ANKUB1: variants seen among roughly 807,000 people sequenced by gnomAD.
ANKUB1 encodes ankyrin repeat and ubiquitin domain containing 1.
ANKUB1 carries 42 observed loss-of-function variants against 49.3 expected under a neutral mutation model. The observed-to-expected ratio is 0.85, with a 90% CI of 0.67 to 1.10. The LOEUF (loss-of-function observed/expected upper bound fraction) is 1.10. Ranked by LOEUF, ANKUB1 falls within the 50% of genes least tolerant of loss-of-function variation. The pLI is 0.00. For synonymous variants in ANKUB1, 222 were observed against 231.0 expected (o/e 0.96, Z 0.35); for missense variants, 613 against 642.0 (o/e 0.95, Z 0.49).
chr3:149,763,360 T>G (rs1716856860), intron 5 of ANKUB1, among the ~76,000 whole-genome samples: 1 of 152,220 alleles, frequency 6.6e-6, no homozygotes, highest in African/African-American at 2.4e-5. Flanking sequence ...TTTTCTGCAT[T>G]CATTCAAAAA....
At chr3:149,778,023 A>G (rs1029004543) in intron 3 of ANKUB1, among the ~76,000 whole-genome samples, 2 of 152,192 alleles carry the variant, frequency 1.3e-5, no homozygotes, top group Non-Finnish European at 2.9e-5. Flanking sequence ...AGCAGCAGGG[A>G]TGATTCATTG....
At position 149,771,862 on chromosome 3, in the gene ANKUB1, G is replaced by A. The variant is rs148146667; in HGVS notation, c.452-1188C>T. Among the ~76,000 whole-genome samples, 29 of 152,046 alleles carry A rather than the reference G, an allele frequency of 1.9e-4. No homozygotes were observed. In the East Asian group the frequency reaches 2.5e-3, roughly 13 times the overall value. ...CCAGCTCCAGACTCCCCCTGCTGGC[G>A]ATATTACCAAAGAAGGGATTGCACT... On this transcript the variant is annotated intron_variant, in intron 3 of 5. Coordinates refer to ENST00000446160, the MANE Select transcript of ANKUB1 (RefSeq NM_001144960.3).
intron 4 of ANKUB1, 102 bp downstream of exon 4, chr3:149,770,458 C>T: frequency 1.2e-6 from 1 of 806,618 alleles, no homozygotes; most frequent in Non-Finnish European, 2.0e-6. Context: ...CATAGAGCAG[C>T]ACCCCAGCTG....
intron 5 of ANKUB1, among the ~76,000 whole-genome samples, chr3:149,763,438 G>A (rs1385799682): frequency 1.3e-5 from 2 of 152,188 alleles, no homozygotes; most frequent in Non-Finnish European, 2.9e-5. Context: ...CTATGTGCTG[G>A]AGATACAAAA....
intron 3 of ANKUB1, chr3:149,778,861 C>T (rs944966937): frequency 1.3e-5 from 2 of 152,200 alleles, no homozygotes; most frequent in Non-Finnish European, 2.9e-5. Flanking sequence ...AACTACTTAA[C>T]TAAGGATACC....
intron 4 of ANKUB1, among the ~76,000 whole-genome samples, chr3:149,769,695 A>G (rs1717238328): frequency 1.3e-5 from 2 of 152,220 alleles, no homozygotes; most frequent in Admixed American, 1.3e-4. Context: ...TGAATGCTGT[A>G]CTGAAAATGA....
chr3:149,779,575 G>GTT, intron 3 of ANKUB1: 1 of 152,328 alleles, frequency 6.6e-6, no homozygotes, highest in Non-Finnish European at 1.5e-5. Flanking sequence ...GCGTCACATT[G>GTT]TTAAAAAGAT....
chr3:149,767,882 G>A lies in ANKUB1; in HGVS notation c.780C>T (p.Val260=), dbSNP rs1717126245. 4 of 1,551,666 alleles carry A rather than the reference G, an allele frequency of 2.6e-6. No individual in the cohort carries two copies. Among genetic ancestry groups the A allele is most frequent in the East Asian group, 4.9e-5 (2 of 40,920 alleles). The change falls in exon 5 of 6, where the codon GTC becomes GTT. Residue 260 remains valine, a synonymous_variant. Coordinates refer to ENST00000446160, the MANE Select transcript of ANKUB1 (RefSeq NM_001144960.3). The part of the protein sequence containing the change: ...AGQLLILKAF[V]NYSVLCLECK... ...ATTCCAGGCACAGCACACTGTAGTTGACAAAGGCCTTCAGAATCAACAGTT... is the reference window on the plus strand; with the variant it reads ...ATTCCAGGCACAGCACACTGTAGTTAACAAAGGCCTTCAGAATCAACAGTT...
chr3:149,762,861 A>G (rs1335215278), intron 5 of ANKUB1, among the ~76,000 whole-genome samples: 1 of 152,178 alleles, frequency 6.6e-6, no homozygotes, highest in Admixed American at 6.5e-5. Context: ...GCCTAGGATG[A>G]CTTTTGCAAA....
chr3:149,766,650 C>A (rs766517199), intron 5 of ANKUB1: 16 of 505,660 alleles, frequency 3.2e-5, no homozygotes, highest in Non-Finnish European at 5.4e-5. Flanking sequence ...AAAAAAAAAT[C>A]AATCAGATAT....
chr3:149,776,434 G>T lies in ANKUB1; in HGVS notation c.451+3805C>A, dbSNP rs1717599124. Among the ~76,000 whole-genome samples the T allele has an allele frequency of 2.0e-5, 3 of 152,160 alleles. No homozygotes were observed. The South Asian group carries it at 6.2e-4, about 32-fold the overall frequency. ...ACCTACATGGGCAGGATCAGTATCT[G>T]CTAACCCAAACCATCACTCAAGCAC... On this transcript the variant is annotated intron_variant, in intron 3 of 5. Coordinates refer to ENST00000446160, the MANE Select transcript of ANKUB1 (RefSeq NM_001144960.3).
chr3:149,785,858 C>T (rs1319449955), intron 2 of ANKUB1, among the ~76,000 whole-genome samples: 1 of 152,102 alleles, frequency 6.6e-6, no homozygotes, highest in Non-Finnish European at 1.5e-5. Flanking sequence ...AATGATTGAA[C>T]TAGTTTACAG....
chr3:149,768,846 A>G (rs2108265598), intron 4 of ANKUB1, among the ~76,000 whole-genome samples: 1 of 152,320 alleles, frequency 6.6e-6, no homozygotes, highest in East Asian at 1.9e-4. Context: ...CCCAGCCAAC[A>G]TGGGGCAGGT....
rs189528322 is a variant in ANKUB1, at chr3:149,768,963, G to A, written c.567-868C>T. Among the ~76,000 whole-genome samples, 6 of 152,212 alleles carry A rather than the reference G, an allele frequency of 3.9e-5. No homozygotes were observed. In the East Asian group the frequency reaches 7.7e-4, roughly 20 times the overall value. On this transcript the variant is annotated intron_variant, in intron 4 of 5. Transcript: ENST00000446160. Reference sequence around the variant, plus strand: ...TAATAAATATAACACAGTGTCTGCCGTAAAGTATTAAATAAATATACACTA... The same window carrying A: ...TAATAAATATAACACAGTGTCTGCCATAAAGTATTAAATAAATATACACTA...
rs1270159064 is a variant in ANKUB1 at position 149,767,373 on chromosome 3, A to T, written c.1289T>A (p.Ile430Asn). 4.5e-6 allele frequency: 7 copies of T among 1,550,672 alleles called. No individual in the cohort carries two copies. The Admixed American group carries it at 1.2e-4, about 26-fold the overall frequency. Reference protein sequence around the residue: ...QKHQQQNQKKITATARKKEKL... With the variant: ...QKHQQQNQKKNTATARKKEKL... ...TTCTTTTTTCCTAGCTGTGGCAGTA[A>T]TTTTTTTCTGATTTTGTTGTTGATG... Residue 430 changes from isoleucine to asparagine, a missense_variant, in exon 5 of 6, where the codon ATT becomes AAT. Coordinates refer to ENST00000446160, the MANE Select transcript of ANKUB1 (RefSeq NM_001144960.3).
At chr3:149,772,490 C>A (rs112247892) in intron 3 of ANKUB1, among the ~76,000 whole-genome samples, 39 of 152,340 alleles carry the variant, frequency 2.6e-4, no homozygotes, top group African/African-American at 9.4e-4. Context: ...TCCCAGCAGC[C>A]TTCCCTTCTT....
chr3:149,773,172 C>T (rs1305963218), intron 3 of ANKUB1, among the ~76,000 whole-genome samples: 1 of 151,940 alleles, frequency 6.6e-6, no homozygotes, highest in Non-Finnish European at 1.5e-5. Flanking sequence ...CTCTCTTTTC[C>T]TTCTTGCCTC....
At chr3:149,776,291 A>G (rs1339726516) in intron 3 of ANKUB1, among the ~76,000 whole-genome samples, 1 of 151,270 alleles carries the variant, frequency 6.6e-6, no homozygotes, top group Non-Finnish European at 1.5e-5. Flanking sequence ...TCATTTTTTG[A>G]CTCTTCCGTG....
rs968986109 is a variant in ANKUB1, at chr3:149,774,581, A to G, written c.452-3907T>C. ...TGAATGAGACCTGATTCTGAAAACT[A>G]CAGAGAGGACCGTACGATTTAAATC... On this transcript the variant is annotated intron_variant, in intron 3 of 5. Coordinates refer to ENST00000446160, the MANE Select transcript of ANKUB1 (RefSeq NM_001144960.3). Among the ~76,000 whole-genome samples, 4 of 152,202 alleles carry G rather than the reference A, an allele frequency of 2.6e-5. No homozygotes were observed. In the South Asian group the frequency reaches 6.2e-4, roughly 24 times the overall value.
Sources: gnomAD v4.1 joint callset for allele counts (sites outside exome capture counted in the v4.1 genomes callset) on GRCh38, gnomAD v4.1.1 for gene constraint, MANE v1.5 for transcripts, NCBI Gene and HGNC (gene_info 2026-07-23, HGNC 2026-07-21) for gene names.